Variants in FRMD4B observed in about 807,000 individuals in gnomAD.
The protein encoded by FRMD4B is FERM domain containing 4B.
FRMD4B carries 74 observed loss-of-function variants against 141.5 expected under a neutral mutation model. That is an observed-to-expected ratio of 0.52 (90% CI 0.43 to 0.63). The LOEUF (loss-of-function observed/expected upper bound fraction) is 0.63, where lower values mean the gene tolerates loss of function less well. FRMD4B is among the 30% of genes least tolerant of loss of function. The pLI is 0.00. For missense variants in FRMD4B, 1,366 were observed against 1,253.4 expected, an observed-to-expected ratio of 1.09 and a Z score of -1.36; for synonymous variants, 506 against 467.9, an observed-to-expected ratio of 1.08 and a Z score of -1.05.
chr3:69,262,115 C>T (rs1024556214), intron 5 of FRMD4B, among the ~76,000 whole-genome samples: 7 of 149,050 alleles, frequency 4.7e-5, no homozygotes, highest in South Asian at 2.1e-4. Flanking sequence ...TTCAGGCTCC[C>T]GCCACCATGC....
Position 69,215,971 on chromosome 3 carries a change from T to C in FRMD4B, c.876+292A>G, listed in dbSNP as rs560582626. ...AAGTTTGAGACCAGCCTGGCCAACA[T>C]GGCAAAACCCCGTCTCTACTAAAAG... On this transcript the variant is annotated intron_variant, in intron 11 of 22. Coordinates refer to ENST00000398540, the MANE Select transcript of FRMD4B (RefSeq NM_015123.3). Among the ~76,000 whole-genome samples, 15 of 152,182 alleles carry C rather than the reference T, an allele frequency of 9.9e-5. 1 individual carries two copies. In the South Asian group the frequency reaches 2.9e-3, roughly 29 times the overall value.
chr3:69,532,562 G>A (rs573349678), intron 1 of FRMD4B, among the ~76,000 whole-genome samples: 1 of 152,262 alleles, frequency 6.6e-6, no homozygotes, highest in South Asian at 2.1e-4. Context: ...TGCTGCCAAG[G>A]TAGGATCAGA....
At chr3:69,290,943 G>A (rs1211279256) in intron 4 of FRMD4B, among the ~76,000 whole-genome samples, 3 of 152,170 alleles carry the variant, frequency 2.0e-5, no homozygotes, top group Non-Finnish European at 4.4e-5. Flanking sequence ...TAGTAATTGT[G>A]GGCGTCTCAA....
At chr3:69,235,842 A>T (rs2093342194) in intron 7 of FRMD4B, among the ~76,000 whole-genome samples, 1 of 152,230 alleles carries the variant, frequency 6.6e-6, no homozygotes. Context: ...TAAGCAATTT[A>T]AACTCACAAA....
intron 18 of FRMD4B, among the ~76,000 whole-genome samples, chr3:69,188,227 TA>T (rs2092791519): frequency 6.6e-6 from 1 of 152,150 alleles, no homozygotes; most frequent in African/African-American, 2.4e-5. Context: ...AAAGCTATAT[TA>T]AAGAAAACCC....
chr3:69,273,795 C>T (rs941028956), intron 5 of FRMD4B, among the ~76,000 whole-genome samples: 10 of 151,266 alleles, frequency 6.6e-5, no homozygotes, highest in Non-Finnish European at 1.2e-4. Context: ...AGTGCAGTTG[C>T]GAGGAGTGAC....
chr3:69,239,775 G>A (rs1044206701), intron 7 of FRMD4B, among the ~76,000 whole-genome samples: 9 of 152,024 alleles, frequency 5.9e-5, no homozygotes, highest in Admixed American at 2.6e-4. Context: ...ACATAAACAC[G>A]TCCAGGCGTG....
chr3:69,455,472 G>A (rs1443749377), intron 1 of FRMD4B, among the ~76,000 whole-genome samples: 2 of 152,136 alleles, frequency 1.3e-5, no homozygotes, highest in Admixed American at 6.5e-5. Flanking sequence ...ATGCCACCTT[G>A]AGAGCTGTAA....
intron 5 of FRMD4B, among the ~76,000 whole-genome samples, chr3:69,252,641 T>C (rs766004321): frequency 1.3e-5 from 2 of 152,216 alleles, no homozygotes; most frequent in Non-Finnish European, 2.9e-5. Context: ...TGCCCAGTTC[T>C]CTGCAATTTC....
intron 1 of FRMD4B, among the ~76,000 whole-genome samples, chr3:69,484,375 T>C (rs1294088940): frequency 2.6e-5 from 4 of 152,192 alleles, no homozygotes; most frequent in South Asian, 4.1e-4. Flanking sequence ...TACCAGGTGC[T>C]ATTGTTACAA....
intron 1 of FRMD4B, among the ~76,000 whole-genome samples, chr3:69,438,968 A>G (rs188614212): frequency 2.5e-4 from 38 of 152,256 alleles, no homozygotes; most frequent in Admixed American, 1.2e-3. Context: ...TTTATCTTCT[A>G]TGTTAATTTC....
At chr3:69,451,484 C>T (rs1278348080) in intron 1 of FRMD4B, among the ~76,000 whole-genome samples, 2 of 152,160 alleles carry the variant, frequency 1.3e-5, no homozygotes, top group Non-Finnish European at 2.9e-5. Flanking sequence ...GTACACAGGC[C>T]ATGGTGCTGT....
At chr3:69,197,369 A>C (rs2092918830) in intron 12 of FRMD4B, among the ~76,000 whole-genome samples, 1 of 152,170 alleles carries the variant, frequency 6.6e-6, no homozygotes, top group Non-Finnish European at 1.5e-5. Context: ...GGTAAGGAAT[A>C]AATGGGATAA....
At chr3:69,350,155 TGGGCAAA>T (rs1309618971) in intron 1 of FRMD4B, among the ~76,000 whole-genome samples, 1 of 152,126 alleles carries the variant, frequency 6.6e-6, no homozygotes, top group Non-Finnish European at 1.5e-5. Context: ...CATGAAAAAG[TGGGCAAA>T]GGATATGAAC....
chr3:69,478,703 G>T (rs368670183), intron 1 of FRMD4B, among the ~76,000 whole-genome samples: 12 of 152,184 alleles, frequency 7.9e-5, no homozygotes, highest in South Asian at 6.2e-4. Context: ...TGGAGAGTTC[G>T]GTAGATGTCT....
At chr3:69,345,549 C>T (rs1258266611) in intron 1 of FRMD4B, among the ~76,000 whole-genome samples, 2 of 152,196 alleles carry the variant, frequency 1.3e-5, no homozygotes, top group African/African-American at 2.4e-5. Flanking sequence ...CAAGTGGGTC[C>T]CTGACCCCCG....
chr3:69,301,642 T>G (rs750071431), intron 4 of FRMD4B, among the ~76,000 whole-genome samples: 1 of 152,234 alleles, frequency 6.6e-6, no homozygotes, highest in Non-Finnish European at 1.5e-5. Context: ...TATTACATCT[T>G]ATAACATTTT....
chr3:69,341,813 G>A (rs1183886241), intron 1 of FRMD4B, among the ~76,000 whole-genome samples: 1 of 152,182 alleles, frequency 6.6e-6, no homozygotes, highest in Non-Finnish European at 1.5e-5. Flanking sequence ...TGCCATGAGA[G>A]GATATAGCAA....
intron 3 of FRMD4B, among the ~76,000 whole-genome samples, chr3:69,303,907 C>T (rs1701302296): frequency 6.6e-6 from 1 of 152,052 alleles, no homozygotes; most frequent in African/African-American, 2.4e-5. Context: ...TGCATTCCAG[C>T]CTAGGCAACA....
Sources: allele counts gnomAD v4.1 joint callset (sites outside exome capture counted in the v4.1 genomes callset), GRCh38; gene constraint gnomAD v4.1.1; transcripts MANE v1.5; gene names NCBI Gene and HGNC (gene_info 2026-07-23, HGNC 2026-07-21).